The following ZIK1 variants were observed in gnomAD, a reference collection of about 807,000 sequenced individuals.
ZIK1 encodes zinc finger protein interacting with K protein 1.
ZIK1 carries 12 observed loss-of-function variants against 10.7 expected under a neutral mutation model. The observed-to-expected ratio is 1.12, with a 90% confidence interval of 0.72 to 1.81. The LOEUF (loss-of-function observed/expected upper bound fraction) is 1.81, where lower values mean the gene tolerates loss of function less well. ZIK1 is among the 40% of genes most tolerant of loss of function. The pLI, the probability that ZIK1 is intolerant of heterozygous loss-of-function variation, is 0.00. For synonymous variants in ZIK1, 190 were observed against 205.0 expected, an observed-to-expected ratio of 0.93 and a Z score of 0.63; for missense variants, 497 against 585.7, an observed-to-expected ratio of 0.85 and a Z score of 1.56.
intron 2 of ZIK1, among the ~76,000 whole-genome samples, chr19:57,585,880 C>T (rs1046512940): frequency 4.2e-4 from 60 of 143,466 alleles, no homozygotes; most frequent in Admixed American, 8.5e-4. Context: ...CCATGCCCAG[C>T]GAATTTTTTT....
rs1327698548 is a variant in ZIK1, at chr19:57,593,054, T to TG, written c.*1779_*1780insG. On this transcript the variant is annotated 3_prime_UTR_variant, in exon 4 of 4. Coordinates refer to ENST00000597850, the MANE Select transcript of ZIK1 (RefSeq NM_001010879.4). ...TTTTCCTGATGATGCACAATTTTTTTTTTTTTTTTGAGATGGAGTCTCAGT... is the reference window on the plus strand; with the variant it reads ...TTTTCCTGATGATGCACAATTTTTTTGTTTTTTTTTGAGATGGAGTCTCAGT... 1.3e-5 allele frequency: 2 copies of TG among 151,928 alleles called. No homozygotes were observed. Among genetic ancestry groups the TG allele is most frequent in the Admixed American group, 1.3e-4 (2 of 15,250 alleles). 9.4% of individuals were successfully genotyped at this position (151,928 alleles called of 1,614,324 possible).
At chr19:57,585,883 A>ATTTTTTTTTT (rs59607792) in intron 2 of ZIK1, among the ~76,000 whole-genome samples, 17 of 130,114 alleles carry the variant, frequency 1.3e-4, no homozygotes, top group African/African-American at 2.6e-4. Context: ...TGCCCAGCGA[A>ATTTTTTTTTT]TTTTTTTTTT....
Position 57,590,574 on chromosome 19 carries a change from G to C in ZIK1, c.763G>C (p.Val255Leu), listed in dbSNP as rs756550352. The change falls in exon 4 of 4, where the codon GTT becomes CTT. Residue 255 changes from valine to leucine, a missense_variant. Val to Leu is a conservative substitution (Grantham distance 32). Coordinates refer to ENST00000597850, the MANE Select transcript of ZIK1 (RefSeq NM_001010879.4). ...GKAFRGKYSLVQHQRVHTGER... is the reference protein window; with the variant it reads ...GKAFRGKYSLLQHQRVHTGER... ...AGCCTTCCGTGGCAAGTACTCACTT[G>C]TTCAGCACCAGAGAGTCCATACTGG... 4 of 1,614,100 alleles carry C rather than the reference G, an allele frequency of 2.5e-6. No individual in the cohort carries two copies. The African/African-American group carries it at 5.3e-5, about 22-fold the overall frequency.
chr19:57,593,459 T>G lies in ZIK1; in HGVS notation c.*2184T>G, dbSNP rs1273668145. 6.6e-6 allele frequency: 1 copy of G among 152,188 alleles called. No individual in the cohort carries two copies. Among genetic ancestry groups the G allele is most frequent in the Non-Finnish European group, 1.5e-5 (1 of 68,042 alleles). 9.4% of individuals were successfully genotyped at this position (152,188 alleles called of 1,614,324 possible). ...TAAACAGTTGGATGCTTTCCAGTTTTGGGCTGTTGCAAATAATGCTACTAT... is the reference window on the plus strand; with the variant it reads ...TAAACAGTTGGATGCTTTCCAGTTTGGGGCTGTTGCAAATAATGCTACTAT... On this transcript the variant is annotated 3_prime_UTR_variant, in exon 4 of 4. Transcript: ENST00000597850.
Position 57,592,562 on chromosome 19 carries a change from G to C in ZIK1, c.*1287G>C, listed in dbSNP as rs1275582131. On this transcript the variant is annotated 3_prime_UTR_variant, in exon 4 of 4. Coordinates refer to ENST00000597850, the MANE Select transcript of ZIK1 (RefSeq NM_001010879.4). ...AAGATAACAGAAGTCCTATAGGCCA[G>C]GGATGTATTGATAGCTCTTGTGATT... 6.6e-6 allele frequency: 1 copy of C among 152,240 alleles called. No homozygotes were observed. Among genetic ancestry groups the C allele is most frequent in the Non-Finnish European group, 1.5e-5 (1 of 68,048 alleles). The allele number at this position is 152,240 out of a possible 1,614,324, so 9.4% of individuals were successfully genotyped here.
chr19:57,588,091 G>A (rs897887366), intron 2 of ZIK1, among the ~76,000 whole-genome samples: 1 of 152,130 alleles, frequency 6.6e-6, no homozygotes, highest in Non-Finnish European at 1.5e-5. Context: ...TCAGAGGTCT[G>A]TGTAGCACTG....
chr19:57,590,250 A>G lies in ZIK1; in HGVS notation c.439A>G (p.Arg147Gly), dbSNP rs529140440. 1 of 1,614,228 alleles carries G rather than the reference A, an allele frequency of 6.2e-7. No individual in the cohort carries two copies. Among genetic ancestry groups the G allele is most frequent in the South Asian group, 1.1e-5 (1 of 91,084 alleles). The change falls in exon 4 of 4, where the codon AGG becomes GGG. Residue 147 changes from arginine to glycine, a missense_variant. By Grantham distance (125) the Arg-to-Gly change is moderately radical. Transcript: ENST00000597850. ...KHHSAKKSLK[R>G]DMDRASYVKC... ...TCACAGTGCAAAGAAATCCTTGAAG[A>G]GGGACATGGACAGAGCCTCATATGT...
In ZIK1 at chr19:57,590,896, A is replaced by G; in HGVS notation, c.1085A>G (p.Gln362Arg). Residue 362 changes from glutamine (Q) to arginine (R), a missense_variant, in exon 4 of 4, where the codon CAA becomes CGA. Gln to Arg is a conservative substitution (Grantham distance 43). Coordinates refer to ENST00000597850, the MANE Select transcript of ZIK1 (RefSeq NM_001010879.4). ...KCGECGNSFSQSAILNQHRRI... is the reference protein window; with the variant it reads ...KCGECGNSFSRSAILNQHRRI... ...GGTGAATGTGGGAATTCCTTTAGTC[A>G]AAGTGCCATTCTTAATCAACACCGA... 6.2e-7 allele frequency: 1 copy of G among 1,609,308 alleles called. No individual in the cohort carries two copies. Among genetic ancestry groups the G allele is most frequent in the Non-Finnish European group, 8.5e-7 (1 of 1,176,386 alleles).
chr19:57,589,293 C>T (rs1979445734), intron 3 of ZIK1: 6 of 985,290 alleles, frequency 6.1e-6, no homozygotes, highest in Non-Finnish European at 7.2e-6. Context: ...TGAGTGGCAA[C>T]TGGTTGGGGG....
At position 57,590,972 on chromosome 19, in the gene ZIK1, C is replaced by T. The variant is rs778547265; in HGVS notation, c.1161C>T (p.Ser387=). 17 of 1,614,082 alleles carry T rather than the reference C, an allele frequency of 1.1e-5. No individual in the cohort carries two copies. The East Asian group carries it at 3.8e-4, about 36-fold the overall frequency. Residue 387 remains serine (S), a synonymous_variant, in exon 4 of 4, where the codon TCC becomes TCT. Coordinates refer to ENST00000597850, the MANE Select transcript of ZIK1 (RefSeq NM_001010879.4). ...KPYECGQCGK[S]FSQKATLIKH... is the part of the protein sequence containing the mutation. ...ATGAGTGTGGCCAGTGTGGGAAATC[C>T]TTTAGTCAAAAAGCTACCCTCATTA...
chr19:57,585,115 C>T, intron 2 of ZIK1, 125 bp downstream of exon 2: 2 of 828,910 alleles, frequency 2.4e-6, no homozygotes, highest in Non-Finnish European at 3.7e-6. Context: ...GCTTGACATC[C>T]TGATTCTAGA....
Position 57,591,487 on chromosome 19 carries a change from C to T in ZIK1, c.*212C>T, listed in dbSNP as rs1274925438. On this transcript the variant is annotated 3_prime_UTR_variant, in exon 4 of 4. Coordinates refer to ENST00000597850, the MANE Select transcript of ZIK1 (RefSeq NM_001010879.4). ...GTTTCTCTGGTAGAAACCATCTACCCTCTACCACCTTGCACAGTGGGCACT... is the reference window on the plus strand; with the variant it reads ...GTTTCTCTGGTAGAAACCATCTACCTTCTACCACCTTGCACAGTGGGCACT... The T allele has an allele frequency of 3.4e-6, 2 of 586,562 alleles. No homozygotes were observed. The highest frequency in any genetic ancestry group is 6.0e-6 in the Non-Finnish European group (2 of 333,806). 36.3% of individuals were successfully genotyped at this position (586,562 alleles called of 1,614,324 possible).
At position 57,590,018 on chromosome 19, in the gene ZIK1, C is replaced by G. The variant is rs775033380; in HGVS notation, c.207C>G (p.Gly69=). The G allele has an allele frequency of 1.2e-6, 2 of 1,611,942 alleles. No individual in the cohort carries two copies. Among genetic ancestry groups the G allele is most frequent in the South Asian group, 2.2e-5 (2 of 91,022 alleles). Residue 69 remains glycine, a synonymous_variant, in exon 4 of 4, where the codon GGC becomes GGG. Transcript: ENST00000597850. The stretch of plus-strand genomic sequence containing the variant: ...GCGGTTCTCTGCTTTCAGGTTGTGG[C>G]CATGGAACAGAGGATGAAGAGACAC... ...NFALVASLGC[G]HGTEDEETPS...
chr19:57,589,843 G>A (rs1979493835), intron 3 of ZIK1, 168 bp from the exon 4 acceptor site: 2 of 659,274 alleles, frequency 3.0e-6, no homozygotes, highest in Admixed American at 1.3e-4. Context: ...CCCTCATTCT[G>A]TGATCTTTAG....
In ZIK1 at chr19:57,591,075, C is replaced by G. The variant is rs1186727064; in HGVS notation, c.1264C>G (p.Leu422Val). ...GAAATCCTTTAGTCAAAGCTCCATC[C>G]TTATTCAACACCGGAGAATTCATAC... ...CGKSFSQSSILIQHRRIHTGA... is the reference protein window; with the variant it reads ...CGKSFSQSSIVIQHRRIHTGA... Residue 422 changes from leucine to valine, a missense_variant, in exon 4 of 4, where the codon CTT (leucine) becomes GTT (valine). Physicochemically the swap from Leu to Val is conservative, Grantham distance 32. Coordinates refer to ENST00000597850, the MANE Select transcript of ZIK1 (RefSeq NM_001010879.4). The G allele has an allele frequency of 4.3e-6, 7 of 1,613,956 alleles. No individual in the cohort carries two copies. Among genetic ancestry groups the G allele is most frequent in the Admixed American group, 3.3e-5 (2 of 59,980 alleles).
chr19:57,590,840 A>C lies in ZIK1; in HGVS notation c.1029A>C (p.Arg343Ser). ...AAGCCACCCTTGTTAAACACCAAAG[A>C]GTTCACACTGGAGAAAGGCCTTATA... Reference protein sequence around the residue: ...SQKATLVKHQRVHTGERPYKC... With the variant: ...SQKATLVKHQSVHTGERPYKC... Residue 343 changes from arginine (R) to serine (S), a missense_variant, in exon 4 of 4, where the codon AGA becomes AGC. By Grantham distance (110) the Arg-to-Ser change is moderately radical. Transcript: ENST00000597850. The C allele has an allele frequency of 6.2e-7, 1 of 1,613,900 alleles. No individual in the cohort carries two copies. The highest frequency in any genetic ancestry group is 8.5e-7 in the Non-Finnish European group (1 of 1,179,958).
In ZIK1 at chr19:57,590,202, A is replaced by C; in HGVS notation, c.391A>C (p.Asn131His). The stretch of plus-strand genomic sequence containing the variant: ...ACCATACTTGGTTGGAGAATGTACA[A>C]ACCATCACCAGCACCAGAAGCATCA... Reference protein sequence around the residue: ...QKPYLVGECTNHHQHQKHHSA... With the variant: ...QKPYLVGECTHHHQHQKHHSA... Residue 131 changes from asparagine (N) to histidine (H), a missense_variant, in exon 4 of 4, where the codon AAC becomes CAC. Coordinates refer to ENST00000597850, the MANE Select transcript of ZIK1 (RefSeq NM_001010879.4). 2 of 1,614,216 alleles carry C rather than the reference A, an allele frequency of 1.2e-6. No individual in the cohort carries two copies. The highest frequency in any genetic ancestry group is 1.7e-6 in the Non-Finnish European group (2 of 1,180,044).
chr19:57,585,648 T>C (rs1291022033), intron 2 of ZIK1, among the ~76,000 whole-genome samples: 1 of 152,170 alleles, frequency 6.6e-6, no homozygotes, highest in Non-Finnish European at 1.5e-5. Flanking sequence ...GAATTTAGCA[T>C]CTGGAAGGAT....
rs148597114 is a variant in ZIK1, at chr19:57,592,921, G to C, written c.*1646G>C. 1 of 151,898 alleles carries C rather than the reference G, an allele frequency of 6.6e-6. No individual in the cohort carries two copies. The highest frequency in any genetic ancestry group is 1.5e-5 in the Non-Finnish European group (1 of 67,976). 9.4% of individuals were successfully genotyped at this position (151,898 alleles called of 1,614,324 possible). On this transcript the variant is annotated 3_prime_UTR_variant, in exon 4 of 4. Transcript: ENST00000597850. ...CCTCTTGCTGTTTTACAATCTCTGC[G>C]TGTACTTTCCAGGCCTTCAGGAGTC... is the stretch of plus-strand genomic sequence containing the variant.
Sources: allele counts gnomAD v4.1 joint callset (sites outside exome capture counted in the v4.1 genomes callset), GRCh38; gene constraint gnomAD v4.1.1; transcripts MANE v1.5; gene names NCBI Gene and HGNC (gene_info 2026-07-23, HGNC 2026-07-21).